The following KDM4C variants were observed in gnomAD, a reference collection of about 807,000 sequenced individuals.
The protein encoded by KDM4C is lysine-specific demethylase 4C.
A neutral mutation model predicts 129.3 loss-of-function variants in KDM4C; 81 were observed. The ratio of observed to expected loss-of-function variants is 0.63; its 90% CI spans 0.52 to 0.75. The LOEUF (loss-of-function observed/expected upper bound fraction) is 0.75, where lower values mean the gene tolerates loss of function less well. KDM4C is among the 30% of genes least tolerant of loss of function. The pLI is 0.00. For synonymous variants in KDM4C, 573 were observed against 456.1 expected, an observed-to-expected ratio of 1.26 and a Z score of -3.26; for missense variants, 1,457 against 1,304.0, an observed-to-expected ratio of 1.12 and a Z score of -1.81.
At chr9:6,896,496 T>G (rs1816471138) in intron 8 of KDM4C, among the ~76,000 whole-genome samples, 1 of 151,156 alleles carries the variant, frequency 6.6e-6, no homozygotes, top group Non-Finnish European at 1.5e-5. Context: ...TATAAAAATA[T>G]AATTTTGTGT....
At chr9:6,828,580 T>C (rs1441267717) in intron 4 of KDM4C, among the ~76,000 whole-genome samples, 1 of 138,630 alleles carries the variant, frequency 7.2e-6, no homozygotes, top group Non-Finnish European at 1.5e-5. Flanking sequence ...GTTTAAAAAT[T>C]TGGGGTGGGG....
intron 4 of KDM4C, among the ~76,000 whole-genome samples, chr9:6,843,627 C>A (rs570950925): frequency 1.8e-4 from 27 of 152,152 alleles, no homozygotes; most frequent in Non-Finnish European, 3.1e-4. Flanking sequence ...GATTGAGAAA[C>A]CATCAGATCC....
At chr9:6,887,417 A>G (rs1470102668) in intron 6 of KDM4C, among the ~76,000 whole-genome samples, 1 of 152,194 alleles carries the variant, frequency 6.6e-6, no homozygotes, top group Non-Finnish European at 1.5e-5. Flanking sequence ...CAGACAGTTG[A>G]TGGGTGATGG....
intron 18 of KDM4C, among the ~76,000 whole-genome samples, chr9:7,106,090 A>C (rs997896379): frequency 6.6e-6 from 1 of 152,186 alleles, no homozygotes; most frequent in Non-Finnish European, 1.5e-5. Context: ...GTATATTTCT[A>C]GTAGCTGTTA....
At chr9:6,853,195 A>T (rs1226463642) in intron 5 of KDM4C, among the ~76,000 whole-genome samples, 1 of 152,136 alleles carries the variant, frequency 6.6e-6, no homozygotes. Context: ...AATAAAAAAG[A>T]TTCTTTTCTA....
chr9:6,837,554 C>T (rs1277277727), intron 4 of KDM4C, among the ~76,000 whole-genome samples: 1 of 152,238 alleles, frequency 6.6e-6, no homozygotes, highest in East Asian at 1.9e-4. Flanking sequence ...CATTCTTGTG[C>T]CTGTAAAATA....
At chr9:6,921,287 A>G (rs1821450198) in intron 8 of KDM4C, among the ~76,000 whole-genome samples, 1 of 152,196 alleles carries the variant, frequency 6.6e-6, no homozygotes, top group Non-Finnish European at 1.5e-5. Flanking sequence ...CTTGGAACCC[A>G]CAAACTCCTG....
chr9:6,939,322 G>A (rs1283381260), intron 8 of KDM4C, among the ~76,000 whole-genome samples: 3 of 152,062 alleles, frequency 2.0e-5, no homozygotes, highest in East Asian at 2.0e-4. Context: ...AATGCCTGAT[G>A]ATCTGTCACT....
chr9:6,744,426 G>A (rs968124796), intron 1 of KDM4C, among the ~76,000 whole-genome samples: 1 of 152,118 alleles, frequency 6.6e-6, no homozygotes, highest in Non-Finnish European at 1.5e-5. Flanking sequence ...TCAAGAGGCT[G>A]AGGCAGGAGA....
At chr9:7,033,953 G>A (rs930327448) in intron 15 of KDM4C, among the ~76,000 whole-genome samples, 12 of 152,034 alleles carry the variant, frequency 7.9e-5, no homozygotes, top group African/African-American at 2.9e-4. Flanking sequence ...TGCAGTGCAG[G>A]CATTTCTCTT....
chr9:6,956,367 A>T (rs890386083), intron 8 of KDM4C, among the ~76,000 whole-genome samples: 4 of 152,184 alleles, frequency 2.6e-5, no homozygotes, highest in African/African-American at 7.2e-5. Flanking sequence ...TACTCCACAA[A>T]TATACACACC....
At chr9:6,787,186 G>C (rs1315328176) in intron 1 of KDM4C, among the ~76,000 whole-genome samples, 1 of 152,166 alleles carries the variant, frequency 6.6e-6, no homozygotes, top group African/African-American at 2.4e-5. Context: ...CTAATTTGCT[G>C]CATGTCTTAA....
chr9:7,014,787 G>A (rs1391449202), intron 14 of KDM4C, among the ~76,000 whole-genome samples: 8 of 151,978 alleles, frequency 5.3e-5, no homozygotes, highest in Admixed American at 1.3e-4. Context: ...TTGTATTAGG[G>A]TTGAAACAGC....
chr9:7,084,176 G>T (rs189456863), intron 17 of KDM4C, among the ~76,000 whole-genome samples: 1 of 152,178 alleles, frequency 6.6e-6, no homozygotes, highest in Non-Finnish European at 1.5e-5. Flanking sequence ...CTTAACACAG[G>T]TGTTGACGAC....
intron 1 of KDM4C, among the ~76,000 whole-genome samples, chr9:6,783,472 A>T (rs550208994): frequency 6.6e-6 from 1 of 152,204 alleles, no homozygotes; most frequent in Non-Finnish European, 1.5e-5. Flanking sequence ...AGAGAGGCCC[A>T]TGTAGCATTT....
chr9:6,809,976 C>T (rs1214795181), intron 3 of KDM4C, among the ~76,000 whole-genome samples: 3 of 152,034 alleles, frequency 2.0e-5, no homozygotes, highest in East Asian at 1.9e-4. Context: ...GGTGACAGAG[C>T]GAGACCCTGT....
intron 5 of KDM4C, among the ~76,000 whole-genome samples, chr9:6,852,920 T>TTG (rs1400194147): frequency 6.6e-6 from 1 of 152,120 alleles, no homozygotes; most frequent in East Asian, 1.9e-4. Flanking sequence ...TTACAACTGG[T>TTG]TGTGGCCACC....
At chr9:6,874,037 A>G (rs536746812) in intron 5 of KDM4C, among the ~76,000 whole-genome samples, 129 of 152,186 alleles carry the variant, frequency 8.5e-4, no homozygotes, top group African/African-American at 3.1e-3. Context: ...TTATGTGGGC[A>G]TGGTTTGTGG....
intron 2 of KDM4C, among the ~76,000 whole-genome samples, chr9:6,804,640 C>T: frequency 6.6e-6 from 1 of 151,696 alleles, no homozygotes; most frequent in East Asian, 2.0e-4. Flanking sequence ...CGCCTGTAAT[C>T]CTGGCTACTT....
Sources: allele counts gnomAD v4.1 joint callset (sites outside exome capture counted in the v4.1 genomes callset), GRCh38; gene constraint gnomAD v4.1.1; transcripts MANE v1.5; gene names NCBI Gene and HGNC (gene_info 2026-07-23, HGNC 2026-07-21).